ZFHX4: variants seen among roughly 807,000 people sequenced by gnomAD.
The protein encoded by ZFHX4 is zinc finger homeobox 4, also known as zinc finger homeobox protein 4.
In ZFHX4, 56 loss-of-function variants were observed where a neutral mutation model predicts 267.6. The ratio of observed to expected loss-of-function variants is 0.21; its 90% CI spans 0.17 to 0.26. The LOEUF is 0.26. ZFHX4 is among the 10% of genes least tolerant of loss of function. The pLI is 1.00. For missense variants in ZFHX4, 4,332 were observed against 4,420.0 expected, an observed-to-expected ratio of 0.98 and a Z score of 0.56; for synonymous variants, 1,778 against 1,665.6, an observed-to-expected ratio of 1.07 and a Z score of -1.64.
rs944861016 is a variant in ZFHX4, at chr8:76,829,240, G to T, written c.3326-4098G>T. ...TATCCCTGGCCATGAGATTTGTATG[G>T]ATTATAGTTTTGCAAAATTGTTATC... is the stretch of plus-strand genomic sequence containing the variant. On this transcript the variant is annotated intron_variant, in intron 4 of 10. Coordinates refer to ENST00000651372, the MANE Select transcript of ZFHX4 (RefSeq NM_024721.5). Among the ~76,000 whole-genome samples, 4 of 129,970 alleles carry T rather than the reference G, an allele frequency of 3.1e-5. No individual in the cohort carries two copies. In the Admixed American group the frequency reaches 3.8e-4, roughly 12 times the overall value. The allele number at this position is 129,970 out of a possible 152,430, so 85.3% of individuals were successfully genotyped here.
intron 4 of ZFHX4, among the ~76,000 whole-genome samples, chr8:76,785,355 A>C (rs1810658849): frequency 6.6e-6 from 1 of 152,130 alleles, no homozygotes; most frequent in African/African-American, 2.4e-5. Context: ...AAGCTAAAGT[A>C]GCATTGTGGA....
intron 3 of ZFHX4, among the ~76,000 whole-genome samples, chr8:76,712,566 G>A (rs1376480123): frequency 1.3e-5 from 2 of 151,984 alleles, no homozygotes; most frequent in African/African-American, 4.8e-5. Context: ...GGTAAAGGAA[G>A]TCAGGAGATT....
At chr8:76,850,120 C>G in intron 8 of ZFHX4, 125 bp from the exon 9 acceptor site, 1 of 744,456 alleles carries the variant, frequency 1.3e-6, no homozygotes. Context: ...GTAACATCTG[C>G]AAAACATCCC....
At position 76,865,243 on chromosome 8, in the gene ZFHX4, A is replaced by G. The variant is rs1490495639; in HGVS notation, c.*678A>G. ...ATTGCAGTTTGTATTGCCACAAGCT[A>G]TATTTATACCAGTGTCACCCTTTTC... On this transcript the variant is annotated 3_prime_UTR_variant, in exon 11 of 11. Transcript: ENST00000651372. 1 of 152,622 alleles carries G rather than the reference A, an allele frequency of 6.6e-6. No homozygotes were observed. Among genetic ancestry groups the G allele is most frequent in the Non-Finnish European group, 1.5e-5 (1 of 68,040 alleles). The allele number at this position is 152,622 out of a possible 1,614,324, so 9.5% of individuals were successfully genotyped here. A position where few individuals can be genotyped will look rare whatever the true frequency, so the allele number is the denominator to read the frequency against.
intron 3 of ZFHX4, among the ~76,000 whole-genome samples, chr8:76,759,862 C>T (rs1809864255): frequency 6.6e-6 from 1 of 152,148 alleles, no homozygotes; most frequent in African/African-American, 2.4e-5. Context: ...AATAAATACT[C>T]TCCATGAGAG....
chr8:76,701,174 ACATTGT>A (rs1331489842), intron 1 of ZFHX4, among the ~76,000 whole-genome samples: 1 of 152,126 alleles, frequency 6.6e-6, no homozygotes, highest in Admixed American at 6.5e-5. Flanking sequence ...ATACTGAAAA[ACATTGT>A]CATGGTTGTA....
rs141522762 is a variant in ZFHX4 at position 76,724,093 on chromosome 8, T to C, written c.3093+16045T>C. Among the ~76,000 whole-genome samples, 275 of 152,216 alleles carry C rather than the reference T, an allele frequency of 1.8e-3. 2 individuals carry two copies. The highest frequency in any genetic ancestry group is 6.4e-3 in the African/African-American group (265 of 41,554). On this transcript the variant is annotated intron_variant, in intron 3 of 10. Coordinates refer to ENST00000651372, the MANE Select transcript of ZFHX4 (RefSeq NM_024721.5). The stretch of plus-strand genomic sequence containing the variant: ...ATTCTAGAAATGGCTGTATATCCAG[T>C]TGACAAATCTGAAATGAATATAATA...
chr8:76,707,639 A>T lies in ZFHX4; in HGVS notation c.2684A>T (p.Tyr895Phe), dbSNP rs774538653. The T allele has an allele frequency of 1.2e-6, 2 of 1,613,690 alleles. No homozygotes were observed. The highest frequency in any genetic ancestry group is 1.1e-5 in the South Asian group (1 of 91,068). The stretch of plus-strand genomic sequence containing the variant: ...CTTACTGCAGGAGAGCTGTCACCTT[A>T]TATCAGTGACCCAGCGCTGAAGCTA... The part of the protein sequence containing the change: ...SLLTAGELSP[Y>F]ISDPALKLFQ... The change falls in exon 3 of 11, where the codon TAT becomes TTT. Residue 895 changes from tyrosine (Y) to phenylalanine (F), a missense_variant. Tyr to Phe is a conservative substitution (Grantham distance 22). Transcript: ENST00000651372.
At chr8:76,702,493 G>A (rs1808130589) in intron 1 of ZFHX4, among the ~76,000 whole-genome samples, 1 of 151,976 alleles carries the variant, frequency 6.6e-6, no homozygotes, top group South Asian at 2.1e-4. Flanking sequence ...ATTTTAAAAG[G>A]GATTTCTAAA....
At chr8:76,773,974 T>C (rs754254550) in intron 3 of ZFHX4, among the ~76,000 whole-genome samples, 2 of 152,156 alleles carry the variant, frequency 1.3e-5, no homozygotes, top group Non-Finnish European at 2.9e-5. Context: ...CTAAGAATTC[T>C]GTCCTCCTTT....
intron 3 of ZFHX4, among the ~76,000 whole-genome samples, chr8:76,748,152 A>G (rs1412806593): frequency 6.6e-6 from 1 of 152,072 alleles, no homozygotes; most frequent in Admixed American, 6.5e-5. Context: ...TTCTCTCTTG[A>G]ATTCTACATC....
intron 5 of ZFHX4, among the ~76,000 whole-genome samples, chr8:76,839,647 A>G (rs1009820669): frequency 6.6e-5 from 10 of 152,210 alleles, no homozygotes; most frequent in African/African-American, 2.4e-4. Flanking sequence ...CTATTATTGC[A>G]TGTAATATAT....
intron 4 of ZFHX4, among the ~76,000 whole-genome samples, chr8:76,806,365 T>C (rs575651492): frequency 6.6e-6 from 1 of 152,140 alleles, no homozygotes; most frequent in East Asian, 1.9e-4. Context: ...CTCAGTGTCA[T>C]TCTTACTAAA....
chr8:76,688,706 A>T (rs964380622), intron 1 of ZFHX4, among the ~76,000 whole-genome samples: 1 of 152,090 alleles, frequency 6.6e-6, no homozygotes, highest in East Asian at 1.9e-4. Flanking sequence ...GTTCTTTTGT[A>T]CCTATGTAAA....
intron 10 of ZFHX4, among the ~76,000 whole-genome samples, chr8:76,856,815 T>G (rs1812740976): frequency 6.6e-6 from 1 of 152,160 alleles, no homozygotes; most frequent in Non-Finnish European, 1.5e-5. Context: ...TTCACCCACA[T>G]GGTTCCTAGC....
chr8:76,864,552 T>C lies in ZFHX4; in HGVS notation c.10838T>C (p.Met3613Thr). The C allele has an allele frequency of 1.2e-6, 2 of 1,601,192 alleles. No individual in the cohort carries two copies. Among genetic ancestry groups the C allele is most frequent in the South Asian group, 2.2e-5 (2 of 88,976 alleles). The change falls in exon 11 of 11, where the codon ATG (methionine) becomes ACG (threonine). Residue 3613 changes from methionine (M) to threonine (T), a missense_variant. This residue lies in a region of ZFHX4 where 1,648 missense variants were observed against 1,625.0 expected (regional missense o/e 1.01). Transcript: ENST00000651372. The stretch of plus-strand genomic sequence containing the variant: ...AATTTCAATAGCATCCGAATGGATA[T>C]GTTCAGTGTGTAGGAGTGAAGACAG... ...DGNFNSIRMD[M>T]FSV
At position 76,856,083 on chromosome 8, in the gene ZFHX4, G is replaced by C. The variant is rs113880836; in HGVS notation, c.9162G>C (p.Thr3054=). 4.3e-6 allele frequency: 7 copies of C among 1,613,964 alleles called. No individual in the cohort carries two copies. The African/African-American group carries it at 6.7e-5, about 15-fold the overall frequency. Residue 3054 remains threonine, a synonymous_variant, in exon 10 of 11, where the codon ACG becomes ACC. Coordinates refer to ENST00000651372, the MANE Select transcript of ZFHX4 (RefSeq NM_024721.5). ...AGAAAGATTACTTGGCTCCGACCAC[G>C]GTTCGGCAGCTGATGGCACAGCAAG... ...DREKDYLAPT[T]VRQLMAQQEL...
intron 3 of ZFHX4, among the ~76,000 whole-genome samples, chr8:76,732,649 A>G (rs1809051975): frequency 6.6e-6 from 1 of 152,184 alleles, no homozygotes; most frequent in South Asian, 2.1e-4. Flanking sequence ...CAAATGCAAA[A>G]TAAAAGGCAA....
Position 76,778,221 on chromosome 8 carries a change from A to G in ZFHX4, c.3107A>G (p.Gln1036Arg), listed in dbSNP as rs1452739219. The G allele has an allele frequency of 7.4e-6, 12 of 1,612,186 alleles. No homozygotes were observed. Among genetic ancestry groups the G allele is most frequent in the African/African-American group, 1.3e-5 (1 of 74,848 alleles). The part of the protein sequence containing the change: ...ALKLYKHLQK[Q>R]EGAVNPESCY... ...CCTTCCTTTCAGCACTTGCAGAAGCAAGAGGGTGCAGTGAATCCCGAATCC... is the reference window on the plus strand; with the variant it reads ...CCTTCCTTTCAGCACTTGCAGAAGCGAGAGGGTGCAGTGAATCCCGAATCC... The change falls in exon 4 of 11, where the codon CAA (glutamine) becomes CGA (arginine). Residue 1036 changes from glutamine (Q) to arginine (R), a missense_variant. By Grantham distance (43) the Gln-to-Arg change is conservative. This residue lies in a region of ZFHX4 where 1,371 missense variants were observed against 1,423.1 expected (regional missense o/e 0.96). Coordinates refer to ENST00000651372, the MANE Select transcript of ZFHX4 (RefSeq NM_024721.5).
Sources: gnomAD v4.1 joint callset for allele counts (sites outside exome capture counted in the v4.1 genomes callset) on GRCh38, gnomAD v4.1.1 for gene constraint, gnomAD v4.1.1 regional missense constraint, MANE v1.5 for transcripts, NCBI Gene and HGNC (gene_info 2026-07-23, HGNC 2026-07-21) for gene names.